Variants in SYCP2 observed in about 807,000 individuals in gnomAD.
SYCP2 encodes the protein synaptonemal complex lateral element protein.
Under a neutral mutation model 211.3 loss-of-function variants are expected in SYCP2, and 55 were observed. That is an observed-to-expected ratio of 0.26 (90% CI 0.21 to 0.33). SYCP2 has a LOEUF of 0.33. Ranked by LOEUF, SYCP2 falls within the 10% of genes least tolerant of loss-of-function variation. The probability of loss-of-function intolerance (pLI) is 1.00; values close to 1 mark genes in which losing one functional copy is unlikely to be tolerated. For missense variants in SYCP2, 1,731 were observed against 1,752.0 expected, an observed-to-expected ratio of 0.99 and a Z score of 0.21; for synonymous variants, 570 against 555.2, an observed-to-expected ratio of 1.03 and a Z score of -0.37.
chr20:59,871,935 T>TA (rs1293795463), intron 35 of SYCP2, among the ~76,000 whole-genome samples: 1 of 151,118 alleles, frequency 6.6e-6, no homozygotes, highest in Non-Finnish European at 1.5e-5. Context: ...ACTATATTGA[T>TA]AAAGGATCAC....
At chr20:59,928,791 C>A (rs768327516) in intron 2 of SYCP2, among the ~76,000 whole-genome samples, 4 of 151,478 alleles carry the variant, frequency 2.6e-5, no homozygotes, top group Non-Finnish European at 5.9e-5. Context: ...ATCTATTTTG[C>A]CATAAAAAAA....
At position 59,877,936 on chromosome 20, in the gene SYCP2, T is replaced by C. The variant is rs1600831272; in HGVS notation, c.2979+72A>G. 7 of 1,151,596 alleles carry C rather than the reference T, an allele frequency of 6.1e-6. No homozygotes were observed. In the East Asian group the frequency reaches 1.7e-4, roughly 28 times the overall value. The allele number at this position is 1,151,596 out of a possible 1,614,324, so 71.3% of individuals were successfully genotyped here. On this transcript the variant is annotated intron_variant, in intron 32 of 44. Coordinates refer to ENST00000357552, the MANE Select transcript of SYCP2 (RefSeq NM_014258.4). ...TGATAACAAGGATAAAATTATGAGA[T>C]GATGAATTATTTTTATATGGCAAGA...
intron 14 of SYCP2, 23 bp from the exon 15 acceptor site, chr20:59,907,447 G>C (rs1434629869): frequency 6.3e-7 from 1 of 1,587,336 alleles, no homozygotes; most frequent in Non-Finnish European, 8.6e-7. Context: ...AGCAGGTTTT[G>C]GCCATAAATA....
At chr20:59,878,114 T>C (rs2059597179) in intron 31 of SYCP2, 69 bp from the exon 32 acceptor site, 2 of 1,003,348 alleles carry the variant, frequency 2.0e-6, no homozygotes, top group Non-Finnish European at 3.1e-6. Context: ...TATTAGAACA[T>C]CATTTCAGCA....
Position 59,892,799 on chromosome 20 carries a change from C to T in SYCP2, c.1794-98G>A, listed in dbSNP as rs915044788. The T allele has an allele frequency of 1.3e-5, 14 of 1,116,936 alleles. No individual in the cohort carries two copies. In the African/African-American group the frequency reaches 1.4e-4, roughly 11 times the overall value. 69.2% of individuals were successfully genotyped at this position (1,116,936 alleles called of 1,614,324 possible). Reference sequence around the variant, plus strand: ...AGTCAACGTTTACTGAAAGCGATTACTTATGTGAAAATTATGTGGAAATTT... The same window carrying T: ...AGTCAACGTTTACTGAAAGCGATTATTTATGTGAAAATTATGTGGAAATTT... On this transcript the variant is annotated intron_variant, in intron 22 of 44. Transcript: ENST00000357552.
In SYCP2 at chr20:59,917,584, T is replaced by C. The variant is rs201974528; in HGVS notation, c.428-1013A>G. Among the ~76,000 whole-genome samples, 14 of 152,302 alleles carry C rather than the reference T, an allele frequency of 9.2e-5. No individual in the cohort carries two copies. The South Asian group carries it at 2.7e-3, about 29-fold the overall frequency. On this transcript the variant is annotated intron_variant, in intron 7 of 44. Coordinates refer to ENST00000357552, the MANE Select transcript of SYCP2 (RefSeq NM_014258.4). The stretch of plus-strand genomic sequence containing the variant: ...TAAAAATTTAGACTACATTGTTATG[T>C]AGCAAAAACAATCAACGAAGAGGTA...
chr20:59,922,417 G>T lies in SYCP2; in HGVS notation c.-4C>A, dbSNP rs1600989467. ...GGAGATCTGGTCTTATTGGCATTTT[G>T]ACTTCATTTAAAAAAAAAAAAAAAG... is the stretch of plus-strand genomic sequence containing the variant. On this transcript the variant is annotated 5_prime_UTR_variant, in exon 3 of 45. An upstream open reading frame in the 5' UTR gains an earlier in-frame stop. Transcript: ENST00000357552. 5.9e-6 allele frequency: 9 copies of T among 1,516,846 alleles called. No individual in the cohort carries two copies. Among genetic ancestry groups the T allele is most frequent in the South Asian group, 5.1e-5 (4 of 79,176 alleles). The allele number at this position is 1,516,846 out of a possible 1,614,324, so 94.0% of individuals were successfully genotyped here. A position where few individuals can be genotyped will look rare whatever the true frequency, so the allele number is the denominator to read the frequency against.
intron 26 of SYCP2, among the ~76,000 whole-genome samples, chr20:59,884,360 T>C (rs1234594176): frequency 5.3e-5 from 8 of 151,968 alleles, no homozygotes; most frequent in Admixed American, 5.2e-4. Context: ...AAAAATATAT[T>C]CAACCAGATC....
chr20:59,930,565 T>C (rs189460848), intron 2 of SYCP2, among the ~76,000 whole-genome samples: 1 of 152,318 alleles, frequency 6.6e-6, no homozygotes, highest in East Asian at 1.9e-4. Flanking sequence ...GCACAGTATT[T>C]GCAACAGTAG....
intron 2 of SYCP2, among the ~76,000 whole-genome samples, chr20:59,927,528 G>T (rs1232164314): frequency 6.6e-6 from 1 of 152,016 alleles, no homozygotes; most frequent in Non-Finnish European, 1.5e-5. Context: ...AACATCTAAA[G>T]TTCTTCCACA....
At chr20:59,933,096 A>T (rs76532849) in intron 1 of SYCP2, 1 of 152,392 alleles carries the variant, frequency 6.6e-6, no homozygotes, top group Non-Finnish European at 1.5e-5. Context: ...TGTCCCGGAG[A>T]CAGGCGAGCA....
chr20:59,879,728 TC>T (rs2059629725), intron 31 of SYCP2, among the ~76,000 whole-genome samples: 1 of 149,884 alleles, frequency 6.7e-6, no homozygotes, highest in African/African-American at 2.4e-5. Flanking sequence ...AAAATTGTTT[TC>T]CTTTTGATAT....
chr20:59,915,618 A>G, intron 8 of SYCP2, 68 bp from the exon 9 acceptor site: 2 of 1,018,232 alleles, frequency 2.0e-6, no homozygotes, highest in East Asian at 2.4e-5. Flanking sequence ...GAAATATTCT[A>G]GGCACATAAA....
intron 3 of SYCP2, among the ~76,000 whole-genome samples, chr20:59,921,866 G>A (rs1435434423): frequency 6.6e-6 from 1 of 151,262 alleles, no homozygotes; most frequent in Non-Finnish European, 1.5e-5. Flanking sequence ...ACAGGCAAAA[G>A]CACCTTTTAG....
rs746468328 is a variant in SYCP2, at chr20:59,869,834, T to C, written c.3705A>G (p.Pro1235=). The change falls in exon 36 of 45, where the codon CCA becomes CCG. Residue 1235 remains proline (P), a synonymous_variant. Coordinates refer to ENST00000357552, the MANE Select transcript of SYCP2 (RefSeq NM_014258.4). ...SEERFMEIES[P]HINENYIQSK... is the part of the protein sequence containing the mutation. ...TTTGTATATAATTTTCATTGATATG[T>C]GGAGATTCAATTTCCATAAACCGTT... The C allele has an allele frequency of 6.2e-6, 10 of 1,606,426 alleles. No homozygotes were observed. Among genetic ancestry groups the C allele is most frequent in the Non-Finnish European group, 8.5e-6 (10 of 1,174,728 alleles).
Position 59,881,510 on chromosome 20 carries a change from A to G in SYCP2, c.2659-18T>C, listed in dbSNP as rs891613897. Reference sequence around the variant, plus strand: ...TCTTGGATCTATATTGTAAATAAACAAAAAAAAAGAGGTGTCAGTGTCAAA... The same window carrying G: ...TCTTGGATCTATATTGTAAATAAACGAAAAAAAAGAGGTGTCAGTGTCAAA... On this transcript the variant is annotated intron_variant, in intron 28 of 44. Transcript: ENST00000357552. 1.2e-5 allele frequency: 15 copies of G among 1,260,720 alleles called. No homozygotes were observed. The highest frequency in any genetic ancestry group is 1.6e-5 in the South Asian group (1 of 62,640). 78.1% of individuals were successfully genotyped at this position (1,260,720 alleles called of 1,614,324 possible).
chr20:59,863,934 T>C lies in SYCP2; in HGVS notation c.*377A>G, dbSNP rs541444504. Reference sequence around the variant, plus strand: ...TAGTTGAATTCTAAGTTATTAAACATATTTTAATTATATTCATCCCCAAAC... The same window carrying C: ...TAGTTGAATTCTAAGTTATTAAACACATTTTAATTATATTCATCCCCAAAC... On this transcript the variant is annotated 3_prime_UTR_variant, in exon 45 of 45. Coordinates refer to ENST00000357552, the MANE Select transcript of SYCP2 (RefSeq NM_014258.4). The C allele has an allele frequency of 6.5e-6, 1 of 152,778 alleles. No individual in the cohort carries two copies. The highest frequency in any genetic ancestry group is 1.9e-4 in the East Asian group (1 of 5,240). The allele number at this position is 152,778 out of a possible 1,614,324, so 9.5% of individuals were successfully genotyped here.
intron 15 of SYCP2, 139 bp from the exon 16 acceptor site, chr20:59,901,949 T>C (rs2060123585): frequency 1.6e-6 from 1 of 614,732 alleles, no homozygotes; most frequent in Non-Finnish European, 2.5e-6. Flanking sequence ...AATTAATCAA[T>C]TCTGGCACTA....
intron 15 of SYCP2, among the ~76,000 whole-genome samples, chr20:59,903,730 A>G (rs1034308833): frequency 7.9e-5 from 12 of 152,140 alleles, no homozygotes; most frequent in Non-Finnish European, 1.8e-4. Flanking sequence ...TCATAGTGAA[A>G]GCAAAAAAGG....
Sources: allele counts gnomAD v4.1 joint callset (sites outside exome capture counted in the v4.1 genomes callset), GRCh38; gene constraint gnomAD v4.1.1; transcripts MANE v1.5; gene names NCBI Gene and HGNC (gene_info 2026-07-23, HGNC 2026-07-21).